Variants in DENND1A observed in about 807,000 individuals in gnomAD.
DENND1A encodes the protein DENN domain containing 1A, also known as DENN domain-containing protein 1A.
Under a neutral mutation model 113.7 loss-of-function variants are expected in DENND1A, and 51 were observed. The ratio of observed to expected loss-of-function variants is 0.45; its 90% CI spans 0.36 to 0.57. DENND1A has a LOEUF of 0.57. DENND1A is among the 20% of genes least tolerant of loss of function. The probability of loss-of-function intolerance (pLI) is 0.00; values close to 1 mark genes in which losing one functional copy is unlikely to be tolerated. For missense variants in DENND1A, 1,258 were observed against 1,395.9 expected, an observed-to-expected ratio of 0.90 and a Z score of 1.57; for synonymous variants, 565 against 570.8, an observed-to-expected ratio of 0.99 and a Z score of 0.14.
chr9:123,528,934 C>A (rs2055066027), intron 13 of DENND1A, among the ~76,000 whole-genome samples: 1 of 152,214 alleles, frequency 6.6e-6, no homozygotes, highest in Non-Finnish European at 1.5e-5. Context: ...CTTCAAGACC[C>A]ATTTCGAGTG....
intron 11 of DENND1A, among the ~76,000 whole-genome samples, chr9:123,584,183 G>A (rs183492631): frequency 6.6e-6 from 1 of 152,144 alleles, no homozygotes; most frequent in Non-Finnish European, 1.5e-5. Context: ...TAGAACTATT[G>A]TCTTTATTTT....
intron 22 of DENND1A, among the ~76,000 whole-genome samples, chr9:123,385,254 TC>T (rs2042498920): frequency 6.6e-6 from 1 of 152,130 alleles, no homozygotes; most frequent in African/African-American, 2.4e-5. Flanking sequence ...AACCTCTGCC[TC>T]CCAGGTTCAA....
chr9:123,382,625 T>G lies in DENND1A; in HGVS notation c.2020A>C (p.Arg674=). 6.2e-7 allele frequency: 1 copy of G among 1,613,830 alleles called. No individual in the cohort carries two copies. Among genetic ancestry groups the G allele is most frequent in the Non-Finnish European group, 8.5e-7 (1 of 1,179,902 alleles). The change falls in exon 24 of 24, where the codon AGG becomes CGG. Residue 674 remains arginine, a splice_region_variant and synonymous_variant. Coordinates refer to ENST00000394215, the MANE Select transcript of DENND1A (RefSeq NM_001352964.2). ...CTCTCACTCCCGCCCAGATCCAGCCTCTGTTGGGAGGGAAGGAGGGCGGCA... is the reference window on the plus strand; with the variant it reads ...CTCTCACTCCCGCCCAGATCCAGCCGCTGTTGGGAGGGAAGGAGGGCGGCA... ...REQPGTFDYQ[R]LDLGGSERSR... is the part of the protein sequence containing the mutation.
At chr9:123,888,867 C>T (rs1250303661) in intron 1 of DENND1A, among the ~76,000 whole-genome samples, 1 of 151,256 alleles carries the variant, frequency 6.6e-6, no homozygotes, top group South Asian at 2.1e-4. Context: ...GTTTGCATTG[C>T]GTTAGAGGGG....
At chr9:123,651,773 A>G (rs1417525563) in intron 9 of DENND1A, among the ~76,000 whole-genome samples, 1 of 152,246 alleles carries the variant, frequency 6.6e-6, no homozygotes, top group Non-Finnish European at 1.5e-5. Context: ...AACCTGCAAA[A>G]TGTTCATAAC....
At chr9:123,870,337 G>A (rs1037009170) in intron 2 of DENND1A, among the ~76,000 whole-genome samples, 3 of 149,494 alleles carry the variant, frequency 2.0e-5, no homozygotes, top group Middle Eastern at 3.4e-3. Context: ...TGATGTGATC[G>A]CGGCTCACTG....
chr9:123,478,044 T>C (rs1352710293), intron 13 of DENND1A, among the ~76,000 whole-genome samples: 1 of 152,190 alleles, frequency 6.6e-6, no homozygotes, highest in Non-Finnish European at 1.5e-5. Context: ...GCCAAGGCAT[T>C]TGCTGGTCAG....
chr9:123,579,109 C>A (rs1027806703), intron 12 of DENND1A, among the ~76,000 whole-genome samples: 4 of 152,170 alleles, frequency 2.6e-5, no homozygotes, highest in Non-Finnish European at 5.9e-5. Context: ...TGAAGGAGGG[C>A]TGAATGCCCT....
chr9:123,720,462 T>G (rs2067259301), intron 5 of DENND1A, among the ~76,000 whole-genome samples: 1 of 152,204 alleles, frequency 6.6e-6, no homozygotes, highest in Non-Finnish European at 1.5e-5. Context: ...TTAATAGGCC[T>G]GCGACTTCAA....
intron 11 of DENND1A, among the ~76,000 whole-genome samples, chr9:123,602,913 G>C (rs967787593): frequency 2.0e-5 from 3 of 152,176 alleles, no homozygotes; most frequent in Non-Finnish European, 4.4e-5. Context: ...TTTTAATAAA[G>C]CAAGAATAGG....
intron 13 of DENND1A, among the ~76,000 whole-genome samples, chr9:123,513,214 T>C (rs1233022055): frequency 6.6e-6 from 1 of 152,178 alleles, no homozygotes; most frequent in Admixed American, 6.5e-5. Flanking sequence ...GTCCTCCTTG[T>C]TCACCCCACA....
At chr9:123,876,588 T>TG (rs1022555584) in intron 2 of DENND1A, among the ~76,000 whole-genome samples, 23 of 152,152 alleles carry the variant, frequency 1.5e-4, no homozygotes, top group African/African-American at 3.9e-4. Flanking sequence ...GTGTATGTAT[T>TG]GGGGGGGTGA....
At chr9:123,530,290 A>G (rs1564659341) in intron 13 of DENND1A, among the ~76,000 whole-genome samples, 1 of 152,170 alleles carries the variant, frequency 6.6e-6, no homozygotes, top group Non-Finnish European at 1.5e-5. Flanking sequence ...GGCGAAAGAG[A>G]ACATCTTCAG....
chr9:123,464,112 T>C (rs547844939), intron 13 of DENND1A, among the ~76,000 whole-genome samples: 5 of 152,206 alleles, frequency 3.3e-5, no homozygotes, highest in Admixed American at 2.6e-4. Flanking sequence ...AGAAAACACA[T>C]ACTTTTGGAA....
intron 12 of DENND1A, among the ~76,000 whole-genome samples, chr9:123,565,832 T>C (rs914111388): frequency 6.6e-6 from 1 of 152,208 alleles, no homozygotes; most frequent in Non-Finnish European, 1.5e-5. Flanking sequence ...AGTCTTAATA[T>C]GTCAAAGCAA....
At chr9:123,873,582 A>G (rs1363756296) in intron 2 of DENND1A, among the ~76,000 whole-genome samples, 2 of 152,236 alleles carry the variant, frequency 1.3e-5, no homozygotes, top group African/African-American at 4.8e-5. Context: ...TTAAGTACAG[A>G]CATAGCATAT....
At chr9:123,467,058 C>A (rs1474078052) in intron 13 of DENND1A, among the ~76,000 whole-genome samples, 23 of 152,074 alleles carry the variant, frequency 1.5e-4, no homozygotes, top group Admixed American at 1.4e-3. Context: ...AGGAAAAAAA[C>A]CCAAAAAAAC....
intron 2 of DENND1A, among the ~76,000 whole-genome samples, chr9:123,848,893 A>C (rs1019453454): frequency 2.0e-5 from 3 of 152,238 alleles, no homozygotes; most frequent in Non-Finnish European, 4.4e-5. Flanking sequence ...CCTGATCCAC[A>C]TCAAGGCCCT....
chr9:123,435,025 G>A (rs79554378), intron 19 of DENND1A, among the ~76,000 whole-genome samples: 3,326 of 152,254 alleles, frequency 0.022, 123 homozygotes, highest in African/African-American at 0.074. Context: ...GAAGGAGGGC[G>A]GAGCCTGGCT....
Sources: allele counts gnomAD v4.1 joint callset (sites outside exome capture counted in the v4.1 genomes callset), GRCh38; gene constraint gnomAD v4.1.1; transcripts MANE v1.5; gene names NCBI Gene and HGNC (gene_info 2026-07-23, HGNC 2026-07-21).